ADAMTS6: variants seen among roughly 807,000 people sequenced by gnomAD.
ADAMTS6 encodes the protein ADAM metallopeptidase with thrombospondin type 1 motif 6.
ADAMTS6 carries 23 observed loss-of-function variants against 144.3 expected under a neutral mutation model. The observed-to-expected ratio is 0.16, with a 90% confidence interval of 0.11 to 0.23. The LOEUF is 0.23. Ranked by LOEUF, ADAMTS6 falls within the 10% of genes least tolerant of loss-of-function variation. The pLI, the probability that ADAMTS6 is intolerant of heterozygous loss-of-function variation, is 1.00. For synonymous variants in ADAMTS6, 444 were observed against 457.5 expected (o/e 0.97, Z 0.38); for missense variants, 999 against 1,379.6 (o/e 0.72, Z 4.37).
At chr5:65,251,143 G>A (rs1013438661) in intron 14 of ADAMTS6, 5 of 152,320 alleles carry the variant, frequency 3.3e-5, no homozygotes, top group African/African-American at 1.2e-4. Context: ...GTATATTTTT[G>A]AGCAGCTCCT....
chr5:65,365,274 A>C (rs1167454189), intron 7 of ADAMTS6, among the ~76,000 whole-genome samples: 2 of 152,174 alleles, frequency 1.3e-5, no homozygotes, highest in Non-Finnish European at 2.9e-5. Flanking sequence ...GTAATAAAAA[A>C]CCAAACTACT....
At chr5:65,464,821 T>G (rs1377636329) in intron 3 of ADAMTS6, among the ~76,000 whole-genome samples, 1 of 152,152 alleles carries the variant, frequency 6.6e-6, no homozygotes, top group Non-Finnish European at 1.5e-5. Context: ...TCTAAAACTG[T>G]CCCTCTAATA....
At chr5:65,234,211 C>T (rs1191843799) in intron 15 of ADAMTS6, among the ~76,000 whole-genome samples, 1 of 151,684 alleles carries the variant, frequency 6.6e-6, no homozygotes, top group Non-Finnish European at 1.5e-5. Context: ...AGCTCCAGCA[C>T]AATGGTCTTG....
chr5:65,308,431 G>A (rs1744153512), intron 9 of ADAMTS6, among the ~76,000 whole-genome samples: 1 of 152,060 alleles, frequency 6.6e-6, no homozygotes, highest in Non-Finnish European at 1.5e-5. Context: ...AATTTCTGTA[G>A]GAAAACTAAC....
At chr5:65,342,340 A>T (rs1279126125) in intron 7 of ADAMTS6, among the ~76,000 whole-genome samples, 1 of 152,108 alleles carries the variant, frequency 6.6e-6, no homozygotes, top group Non-Finnish European at 1.5e-5. Flanking sequence ...GGCAGACAAG[A>T]GAAGAAGGCT....
chr5:65,148,957 T>C lies in ADAMTS6; in HGVS notation c.*2879A>G, dbSNP rs1465164199. 1 of 152,594 alleles carries C rather than the reference T, an allele frequency of 6.6e-6. No individual in the cohort carries two copies. The highest frequency in any genetic ancestry group is 1.9e-4 in the East Asian group (1 of 5,198). The allele number at this position is 152,594 out of a possible 1,614,324, so 9.5% of individuals were successfully genotyped here. ...AACAGTGTACCACATTATTACTGAG[T>C]ATAAAATAATAAGCAACAACTAATC... On this transcript the variant is annotated 3_prime_UTR_variant, in exon 25 of 25. Coordinates refer to ENST00000381055, the MANE Select transcript of ADAMTS6 (RefSeq NM_197941.4).
chr5:65,457,346 T>C (rs942738609), intron 4 of ADAMTS6, among the ~76,000 whole-genome samples: 5 of 152,134 alleles, frequency 3.3e-5, no homozygotes, highest in African/African-American at 1.2e-4. Context: ...GTAGTAGAAA[T>C]GGCAAGTGAA....
intron 9 of ADAMTS6, among the ~76,000 whole-genome samples, chr5:65,319,208 T>C (rs1279636170): frequency 6.6e-6 from 1 of 152,108 alleles, no homozygotes; most frequent in African/African-American, 2.4e-5. Flanking sequence ...ATTTGTAAAA[T>C]GCTGCTAGAG....
chr5:65,481,230 A>AC (rs1761177322), intron 1 of ADAMTS6, 113 bp downstream of exon 1: 1 of 151,244 alleles, frequency 6.6e-6, no homozygotes, highest in African/African-American at 2.4e-5. Context: ...AAAAAAAAAA[A>AC]AAACACACAC....
intron 18 of ADAMTS6, among the ~76,000 whole-genome samples, chr5:65,219,370 T>C (rs1392460878): frequency 6.6e-6 from 1 of 151,762 alleles, no homozygotes; most frequent in African/African-American, 2.4e-5. Flanking sequence ...CCCACCAAAC[T>C]AAAGATTAGA....
At chr5:65,167,499 T>C (rs1174190052) in intron 24 of ADAMTS6, among the ~76,000 whole-genome samples, 2 of 151,202 alleles carry the variant, frequency 1.3e-5, no homozygotes, top group African/African-American at 2.4e-5. Flanking sequence ...TTCCAATCAA[T>C]AGAAAAAGAG....
chr5:65,374,008 C>A (rs1160030884), intron 7 of ADAMTS6, among the ~76,000 whole-genome samples: 1 of 152,142 alleles, frequency 6.6e-6, no homozygotes, highest in Non-Finnish European at 1.5e-5. Flanking sequence ...AGAGAAAAAC[C>A]ACATGATTAT....
intron 7 of ADAMTS6, among the ~76,000 whole-genome samples, chr5:65,370,427 G>A (rs921990450): frequency 9.9e-5 from 15 of 152,262 alleles, no homozygotes; most frequent in Admixed American, 5.2e-4. Context: ...CGCACCATGC[G>A]TGAGCCGAAG....
At chr5:65,444,460 T>A (rs564463287) in intron 7 of ADAMTS6, among the ~76,000 whole-genome samples, 4 of 152,226 alleles carry the variant, frequency 2.6e-5, no homozygotes, top group African/African-American at 9.6e-5. Flanking sequence ...TATATACCAG[T>A]GAAAAACTAT....
intron 22 of ADAMTS6, 95 bp from the exon 23 acceptor site, chr5:65,173,103 T>C (rs1447477403): frequency 4.8e-6 from 6 of 1,260,106 alleles, no homozygotes; most frequent in Admixed American, 4.2e-5. Flanking sequence ...TGTTTTAGTA[T>C]AGAATATACA....
chr5:65,207,577 G>C (rs1211967262), intron 20 of ADAMTS6, among the ~76,000 whole-genome samples: 1 of 152,160 alleles, frequency 6.6e-6, no homozygotes, highest in African/African-American at 2.4e-5. Flanking sequence ...AATGAGAATG[G>C]TATGAACAGA....
intron 22 of ADAMTS6, among the ~76,000 whole-genome samples, chr5:65,179,787 G>C (rs937934509): frequency 2.6e-5 from 4 of 152,152 alleles, no homozygotes; most frequent in African/African-American, 9.7e-5. Flanking sequence ...TACCATATAA[G>C]TGGATGTAGA....
intron 12 of ADAMTS6, 63 bp from the exon 13 acceptor site, chr5:65,263,025 A>G: frequency 1.2e-6 from 2 of 1,605,100 alleles, no homozygotes; most frequent in South Asian, 2.2e-5. Context: ...CAGGATAGAA[A>G]TACATAAGGG....
intron 18 of ADAMTS6, among the ~76,000 whole-genome samples, chr5:65,218,617 C>T (rs1325973839): frequency 1.1e-4 from 17 of 152,098 alleles, no homozygotes; most frequent in Non-Finnish European, 4.4e-5. Context: ...GATGACATTA[C>T]ATGTATATAC....
Sources: allele counts gnomAD v4.1 joint callset (sites outside exome capture counted in the v4.1 genomes callset), GRCh38; gene constraint gnomAD v4.1.1; transcripts MANE v1.5; gene names NCBI Gene and HGNC (gene_info 2026-07-23, HGNC 2026-07-21).